The following GPC3 variants were observed in gnomAD, a reference collection of about 807,000 sequenced individuals.
The protein encoded by GPC3 is glypican 3.
In GPC3, 3 loss-of-function variants were observed where a neutral mutation model predicts 34.4. The observed-to-expected ratio is 0.09, with a 90% confidence interval of 0.04 to 0.23. The LOEUF is 0.23. Among genes scored for constraint, GPC3 ranks in the 10% least tolerant of loss-of-function variants. The pLI, the probability that GPC3 is intolerant of heterozygous loss-of-function variation, is 1.00. For missense variants in GPC3, 351 were observed against 445.6 expected, an observed-to-expected ratio of 0.79 and a Z score of 1.91; for synonymous variants, 177 against 174.0, an observed-to-expected ratio of 1.02 and a Z score of -0.13.
intron 7 of GPC3, among the ~76,000 whole-genome samples, chrX:133,543,988 T>C (rs73559339): frequency 8.9e-6 from 1 of 112,035 alleles, no homozygotes; most frequent in African/African-American, 3.2e-5. Context: ...CCCAGGATTC[T>C]GGTAGGCCAA....
intron 4 of GPC3, among the ~76,000 whole-genome samples, chrX:133,693,770 G>C (rs150970449): frequency 0.015 from 1,633 of 111,601 alleles, 29 homozygotes; most frequent in African/African-American, 0.049. Context: ...ATTACTCTAT[G>C]GTTTAAGATG....
At chrX:133,629,748 G>T (rs950045031) in intron 6 of GPC3, among the ~76,000 whole-genome samples, 1 of 109,501 alleles carries the variant, frequency 9.1e-6, no homozygotes, top group Non-Finnish European at 1.9e-5. Context: ...AATTATTTTG[G>T]AATGAACCTT....
At chrX:133,787,766 T>C (rs1301886022) in intron 2 of GPC3, among the ~76,000 whole-genome samples, 2 of 110,988 alleles carry the variant, frequency 1.8e-5, no homozygotes, top group Non-Finnish European at 3.8e-5. Flanking sequence ...CCCCTGGTCT[T>C]CCACGTCCAC....
chrX:133,697,023 C>A (rs1231917145), intron 4 of GPC3, among the ~76,000 whole-genome samples: 1 of 112,307 alleles, frequency 8.9e-6, no homozygotes, highest in African/African-American at 3.2e-5. Flanking sequence ...GGGCTTCCAT[C>A]ATCCTGAAGA....
intron 6 of GPC3, among the ~76,000 whole-genome samples, chrX:133,604,706 A>C (rs1419209779): frequency 8.9e-6 from 1 of 112,015 alleles, no homozygotes; most frequent in Non-Finnish European, 1.9e-5. Context: ...AGCTGGTTTT[A>C]TCTCTTTTGG....
intron 5 of GPC3, among the ~76,000 whole-genome samples, chrX:133,668,133 G>C (rs2070787245): frequency 9.1e-6 from 1 of 109,671 alleles, no homozygotes; most frequent in Non-Finnish European, 1.9e-5. Flanking sequence ...TTGATCTCCT[G>C]ACTTCATGAT....
chrX:133,824,384 T>C (rs1361883711), intron 2 of GPC3, among the ~76,000 whole-genome samples: 1 of 111,314 alleles, frequency 9.0e-6, no homozygotes, highest in Non-Finnish European at 1.9e-5. Flanking sequence ...GAGTAAAGAA[T>C]TGACATCATA....
At chrX:133,827,543 G>A (rs951962808) in intron 2 of GPC3, among the ~76,000 whole-genome samples, 1 of 111,498 alleles carries the variant, frequency 9.0e-6, no homozygotes, top group African/African-American at 3.3e-5. Flanking sequence ...AGCACTTTGG[G>A]AGGCCAAGGC....
Position 133,711,298 on chromosome X carries a change from A to T in GPC3, c.1033-11270T>A, listed in dbSNP as rs953196130. Among the ~76,000 whole-genome samples the T allele has an allele frequency of 6.2e-5, 7 of 112,338 alleles. No individual in the cohort carries two copies. In the Admixed American group the frequency reaches 6.6e-4, roughly 11 times the overall value. ...CTGAAAATCTTATTCACAGAGTTTC[A>T]TCTTCAATAGATCTGGGGTGAAGTC... On this transcript the variant is annotated intron_variant, in intron 3 of 7. Transcript: ENST00000370818.
chrX:133,745,010 C>T (rs186921037), intron 3 of GPC3, among the ~76,000 whole-genome samples: 3 of 108,249 alleles, frequency 2.8e-5, no homozygotes, highest in Non-Finnish European at 5.7e-5. Flanking sequence ...CGGGGCCTGT[C>T]GGTGGGTGGG....
At chrX:133,573,958 C>T (rs1376381509) in intron 7 of GPC3, among the ~76,000 whole-genome samples, 1 of 112,124 alleles carries the variant, frequency 8.9e-6, no homozygotes, top group Non-Finnish European at 1.9e-5. Context: ...TAAAATAATA[C>T]AGCCATACAA....
At chrX:133,617,335 G>T (rs143302741) in intron 6 of GPC3, among the ~76,000 whole-genome samples, 3 of 112,104 alleles carry the variant, frequency 2.7e-5, no homozygotes, top group African/African-American at 9.7e-5. Flanking sequence ...CAAAAGACAT[G>T]GGAATAGCAG....
chrX:133,904,504 G>A (rs1306336912), intron 2 of GPC3, among the ~76,000 whole-genome samples: 1 of 112,128 alleles, frequency 8.9e-6, no homozygotes, highest in Non-Finnish European at 1.9e-5. Flanking sequence ...TTGAAATGGA[G>A]AGGAGGAGGT....
intron 6 of GPC3, among the ~76,000 whole-genome samples, chrX:133,641,345 G>A (rs1174720831): frequency 1.8e-5 from 2 of 109,337 alleles, no homozygotes; most frequent in Non-Finnish European, 3.8e-5. Context: ...GTGTGGTGAC[G>A]CGCGCCTGTA....
chrX:133,747,926 T>C (rs1440263682), intron 3 of GPC3, among the ~76,000 whole-genome samples: 3 of 112,036 alleles, frequency 2.7e-5, no homozygotes, highest in Non-Finnish European at 3.8e-5. Context: ...GGTAATGAAA[T>C]TGTGGGAGAG....
At chrX:133,819,460 C>A (rs931522293) in intron 2 of GPC3, among the ~76,000 whole-genome samples, 1 of 110,143 alleles carries the variant, frequency 9.1e-6, no homozygotes, top group African/African-American at 3.3e-5. Context: ...CTAAGGTGCT[C>A]AAGAATAGCT....
At chrX:133,909,669 T>TA (rs991349774) in intron 2 of GPC3, among the ~76,000 whole-genome samples, 6 of 111,588 alleles carry the variant, frequency 5.4e-5, no homozygotes, top group South Asian at 7.4e-4. Flanking sequence ...TGTTTGGTAT[T>TA]AAAAAAAAGA....
chrX:133,571,373 T>C (rs1157993825), intron 7 of GPC3, among the ~76,000 whole-genome samples: 1 of 111,180 alleles, frequency 9.0e-6, no homozygotes, highest in Non-Finnish European at 1.9e-5. Context: ...CCATTTTCTT[T>C]TTTTTTTGAG....
At chrX:133,837,598 T>C (rs190027860) in intron 2 of GPC3, among the ~76,000 whole-genome samples, 1 of 111,618 alleles carries the variant, frequency 9.0e-6, no homozygotes, top group African/African-American at 3.2e-5. Context: ...TTTGGAGTAA[T>C]AGTGATAAAA....
Sources: gnomAD v4.1 joint callset for allele counts (sites outside exome capture counted in the v4.1 genomes callset) on GRCh38, gnomAD v4.1.1 for gene constraint, MANE v1.5 for transcripts, NCBI Gene and HGNC (gene_info 2026-07-23, HGNC 2026-07-21) for gene names.